The following ITIH6 variants were observed in gnomAD, a reference collection of about 807,000 sequenced individuals.
ITIH6 encodes the protein inter-alpha-trypsin inhibitor heavy chain H6.
Under a neutral mutation model 58.2 loss-of-function variants are expected in ITIH6, and 60 were observed. The observed-to-expected ratio is 1.03, with a 90% confidence interval of 0.84 to 1.28. The LOEUF (loss-of-function observed/expected upper bound fraction) is 1.28. Ranked by LOEUF, ITIH6 falls within the 50% of genes most tolerant of loss-of-function variation. The probability of loss-of-function intolerance (pLI) is 0.00; values close to 1 mark genes in which losing one functional copy is unlikely to be tolerated. For missense variants in ITIH6, 1,290 were observed against 1,021.1 expected (o/e 1.26, Z -3.59); for synonymous variants, 493 against 417.4 (o/e 1.18, Z -2.21).
At position 54,750,061 on chromosome X, in the gene ITIH6, C is replaced by A. The variant is rs769007442; in HGVS notation, c.3776G>T (p.Gly1259Val). 4.1e-6 allele frequency: 5 copies of A among 1,210,627 alleles called. No individual in the cohort carries two copies. Among genetic ancestry groups the A allele is most frequent in the Non-Finnish European group, 4.5e-6 (4 of 894,873 alleles). Residue 1259 changes from glycine to valine, a missense_variant, in exon 13 of 13, where the codon GGG becomes GTG. Gly to Val is a moderately radical substitution (Grantham distance 109). Coordinates refer to ENST00000218436, the MANE Select transcript of ITIH6 (RefSeq NM_198510.3). ...GCCATGGTGCCTTCGTAAGCATGGC[C>A]CCATAGGTCCTGTCACCAGTCGGAT... ...ADIRLVTGPM[G>V]PCLRRHHGPD...
At chrX:54,755,611 G>A (rs1225298468) in intron 8 of ITIH6, among the ~76,000 whole-genome samples, 1 of 110,556 alleles carries the variant, frequency 9.0e-6, no homozygotes, top group African/African-American at 3.3e-5. Context: ...GAAGGGATAA[G>A]GGCAGCAGGA....
intron 6 of ITIH6, among the ~76,000 whole-genome samples, chrX:54,769,964 G>A (rs1178642594): frequency 4.6e-5 from 5 of 109,320 alleles, no homozygotes; most frequent in African/African-American, 1.7e-4. Flanking sequence ...AATGGCGGGC[G>A]CCCCTCCCCC....
intron 6 of ITIH6, among the ~76,000 whole-genome samples, chrX:54,764,412 C>T (rs1928722102): frequency 9.6e-6 from 1 of 103,880 alleles, no homozygotes; most frequent in African/African-American, 3.5e-5. Context: ...CTCCCCCCTT[C>T]CCCCTCCCCA....
At chrX:54,756,629 T>C (rs1056683566) in intron 8 of ITIH6, among the ~76,000 whole-genome samples, 5 of 111,666 alleles carry the variant, frequency 4.5e-5, no homozygotes, top group Non-Finnish European at 5.6e-5. Flanking sequence ...GATGCATTCC[T>C]CCCCTGCTTA....
At chrX:54,787,214 CTT>C (rs1929258266) in intron 5 of ITIH6, 2 of 112,389 alleles carry the variant, frequency 1.8e-5, no homozygotes, top group Admixed American at 1.9e-4. Flanking sequence ...AGGAGAATAA[CTT>C]TTATTCCTCC....
At chrX:54,796,823 A>T in intron 2 of ITIH6, 119 bp downstream of exon 2, 2 of 696,728 alleles carry the variant, frequency 2.9e-6, no homozygotes, top group Non-Finnish European at 4.1e-6. Flanking sequence ...ATTCAGACTC[A>T]AGAAGTCTGA....
chrX:54,765,620 G>A (rs1245960227), intron 6 of ITIH6, among the ~76,000 whole-genome samples: 16 of 97,198 alleles, frequency 1.6e-4, no homozygotes, highest in South Asian at 1.5e-3. Flanking sequence ...TTTTTGAGAC[G>A]GAGTCTCGCT....
In ITIH6 at chrX:54,757,211, G is replaced by T; in HGVS notation, c.2863C>A (p.Gln955Lys). The T allele has an allele frequency of 8.3e-7, 1 of 1,201,399 alleles. No homozygotes were observed. The highest frequency in any genetic ancestry group is 1.1e-6 in the Non-Finnish European group (1 of 889,421). Reference protein sequence around the residue: ...DLLPGPQRTRQVLGPSRPGVP... With the variant: ...DLLPGPQRTRKVLGPSRPGVP... ...CCTGGCCTAGATGGTCCCAGAACTTGCCTGGTCCTCTGGGGACCCGGGAGG... is the reference window on the plus strand; with the variant it reads ...CCTGGCCTAGATGGTCCCAGAACTTTCCTGGTCCTCTGGGGACCCGGGAGG... The change falls in exon 8 of 13, where the codon CAA becomes AAA. Residue 955 changes from glutamine (Q) to lysine (K), a missense_variant. Gln to Lys is a moderately conservative substitution (Grantham distance 53, BLOSUM62 1). Transcript: ENST00000218436.
In ITIH6 at chrX:54,798,116, C is replaced by T. The variant is rs764554675; in HGVS notation, c.95G>A (p.Ser32Asn). The change falls in exon 1 of 13, where the codon AGC (serine) becomes AAC (asparagine). Residue 32 changes from serine (S) to asparagine (N), a missense_variant. Transcript: ENST00000218436. ...CCTCATCCCAGAACTGACCTTTGTG[C>T]TTGATGAAGCGGGGACAGGGGGTCC... The part of the protein sequence containing the change: ...YQGPPVPASS[S>N]TKLLMTSYSM... 11 of 1,177,049 alleles carry T rather than the reference C, an allele frequency of 9.3e-6. No individual in the cohort carries two copies. The highest frequency in any genetic ancestry group is 1.3e-5 in the Non-Finnish European group (11 of 874,427).
chrX:54,771,643 A>G (rs762999110), intron 6 of ITIH6, among the ~76,000 whole-genome samples: 1 of 111,914 alleles, frequency 8.9e-6, no homozygotes, highest in African/African-American at 3.2e-5. Context: ...GGGTTTTTAA[A>G]TTCTTGGTTT....
intron 1 of ITIH6, 141 bp from the exon 2 acceptor site, chrX:54,797,237 C>T: frequency 2.4e-6 from 1 of 421,666 alleles, no homozygotes; most frequent in East Asian, 4.1e-5. Context: ...GGAAAACAAC[C>T]TCTGTCATCC....
At chrX:54,786,584 C>T (rs1929246645) in intron 5 of ITIH6, among the ~76,000 whole-genome samples, 1 of 111,139 alleles carries the variant, frequency 9.0e-6, no homozygotes, top group East Asian at 2.8e-4. Context: ...TTTCTTTTCT[C>T]GTGCGGCCCC....
intron 5 of ITIH6, among the ~76,000 whole-genome samples, chrX:54,778,726 G>C (rs1257268620): frequency 9.0e-6 from 1 of 111,221 alleles, no homozygotes; most frequent in Non-Finnish European, 1.9e-5. Flanking sequence ...TATTCAGAGG[G>C]ATAATAACAG....
In ITIH6 at chrX:54,758,457, G is replaced by A; in HGVS notation, c.1617C>T (p.Thr539=). Residue 539 remains threonine (T), a synonymous_variant, in exon 8 of 13, where the codon ACC becomes ACT. Transcript: ENST00000218436. ...LLVAHHSEGA[T]NNSQKAFGCP... ...AACCAAAGGCCTTCTGGCTGTTGTT[G>A]GTGGCCCCTTCACTGTGGTGGGCCA... 1 of 1,209,389 alleles carries A rather than the reference G, an allele frequency of 8.3e-7. No individual in the cohort carries two copies. Among genetic ancestry groups the A allele is most frequent in the Non-Finnish European group, 1.1e-6 (1 of 894,351 alleles).
At position 54,757,790 on chromosome X, in the gene ITIH6, G is replaced by A; in HGVS notation, c.2284C>T (p.Pro762Ser). The A allele has an allele frequency of 6.6e-6, 8 of 1,211,276 alleles. No homozygotes were observed. Among genetic ancestry groups the A allele is most frequent in the Non-Finnish European group, 8.9e-6 (8 of 895,051 alleles). Residue 762 changes from proline to serine, a missense_variant, in exon 8 of 13, where the codon CCT (proline) becomes TCT (serine). Transcript: ENST00000218436. ...GAGGCTGGGATGCCAGGTTTCACAG[G>A]TGGGACTTGTGTCCTGGAGTTCGTG... The part of the protein sequence containing the change: ...LPTNSRTQVP[P>S]VKPGIPASPK...
chrX:54,754,980 G>A lies in ITIH6; in HGVS notation c.3202+37C>T, dbSNP rs771197940. 2.9e-6 allele frequency: 3 copies of A among 1,028,384 alleles called. No individual in the cohort carries two copies. In the East Asian group the frequency reaches 9.1e-5, roughly 31 times the overall value. The allele number at this position is 1,028,384 out of a possible 1,213,427, so 84.8% of individuals were successfully genotyped here. On this transcript the variant is annotated intron_variant, in intron 9 of 12. Transcript: ENST00000218436. ...GAATTCTAATGGAATGGAAATGAAG[G>A]CCCAGGGGATCTTTGTCAGGAGAGC...
Position 54,757,817 on chromosome X carries a change from G to A in ITIH6, c.2257C>T (p.Pro753Ser). 2 of 1,211,249 alleles carry A rather than the reference G, an allele frequency of 1.7e-6. No homozygotes were observed. The highest frequency in any genetic ancestry group is 2.2e-6 in the Non-Finnish European group (2 of 895,040). ...GGGACTTGTGTCCTGGAGTTCGTGGGTAATATATCAGGATTCTGGTGTGAT... is the reference window on the plus strand; with the variant it reads ...GGGACTTGTGTCCTGGAGTTCGTGGATAATATATCAGGATTCTGGTGTGAT... Reference protein sequence around the residue: ...SLSHQNPDILPTNSRTQVPPV... With the variant: ...SLSHQNPDILSTNSRTQVPPV... Residue 753 changes from proline to serine, a missense_variant, in exon 8 of 13, where the codon CCC becomes TCC. By Grantham distance (74) the Pro-to-Ser change is moderately conservative. Coordinates refer to ENST00000218436, the MANE Select transcript of ITIH6 (RefSeq NM_198510.3).
At chrX:54,774,022 C>G in intron 6 of ITIH6, 59 bp downstream of exon 6, 1 of 705,722 alleles carries the variant, frequency 1.4e-6, no homozygotes, top group Non-Finnish European at 2.1e-6. Flanking sequence ...TTACCACGCT[C>G]TCTGCTTTCT....
In ITIH6 at chrX:54,758,217, C is replaced by T. The variant is rs762680889; in HGVS notation, c.1857G>A (p.Glu619=). 8 of 1,209,357 alleles carry T rather than the reference C, an allele frequency of 6.6e-6. No individual in the cohort carries two copies. The African/African-American group carries it at 8.8e-5, about 13-fold the overall frequency. The part of the protein sequence containing the change: ...VMVQPKQASE[E]TRRQTSTSAG... ...CAGAGGTGGAAGTCTGTCTCCTGGT[C>T]TCCTCACTGGCCTGTTTGGGTTGCA... Residue 619 remains glutamate, a synonymous_variant, in exon 8 of 13, where the codon GAG becomes GAA. Transcript: ENST00000218436.
Sources: gnomAD v4.1 joint callset for allele counts (sites outside exome capture counted in the v4.1 genomes callset) on GRCh38, gnomAD v4.1.1 for gene constraint, MANE v1.5 for transcripts, NCBI Gene and HGNC (gene_info 2026-07-23, HGNC 2026-07-21) for gene names.